The following CRTC1 variants were observed in gnomAD, a reference collection of about 807,000 sequenced individuals.
CRTC1 encodes CREB regulated transcription coactivator 1.
Under a neutral mutation model 66.1 loss-of-function variants are expected in CRTC1, and 18 were observed. The ratio of observed to expected loss-of-function variants is 0.27; its 90% CI spans 0.19 to 0.40. The LOEUF is 0.40. CRTC1 is among the 10% of genes least tolerant of loss of function. The probability of loss-of-function intolerance (pLI) is 1.00; values close to 1 mark genes in which losing one functional copy is unlikely to be tolerated. For synonymous variants in CRTC1, 416 were observed against 398.8 expected (o/e 1.04, Z -0.51); for missense variants, 669 against 887.9 (o/e 0.75, Z 3.13).
intron 1 of CRTC1, among the ~76,000 whole-genome samples, chr19:18,707,648 G>T (rs1357872056): frequency 6.6e-6 from 1 of 152,094 alleles, no homozygotes; most frequent in East Asian, 1.9e-4. Context: ...ATGGTATTTT[G>T]GTAGGGATTG....
At chr19:18,748,374 ATTTTTT>A (rs777077338) in intron 4 of CRTC1, among the ~76,000 whole-genome samples, 12 of 75,400 alleles carry the variant, frequency 1.6e-4, no homozygotes, top group South Asian at 1.3e-3. Flanking sequence ...CTTCCAGCTG[ATTTTTT>A]TTTTTTTTTT....
intron 13 of CRTC1, among the ~76,000 whole-genome samples, chr19:18,776,250 G>T (rs984401109): frequency 6.6e-5 from 10 of 152,340 alleles, no homozygotes; most frequent in African/African-American, 2.4e-4. Flanking sequence ...AACAGGTCAG[G>T]GCCGTGATGC....
chr19:18,718,158 C>T (rs1275028211), intron 1 of CRTC1, among the ~76,000 whole-genome samples: 1 of 152,018 alleles, frequency 6.6e-6, no homozygotes, highest in Non-Finnish European at 1.5e-5. Context: ...CCCTCCCCTC[C>T]TCTCCTCCCC....
chr19:18,751,367 C>CA (rs907391047), intron 5 of CRTC1, among the ~76,000 whole-genome samples: 22 of 151,942 alleles, frequency 1.4e-4, no homozygotes, highest in Non-Finnish European at 2.8e-4. Context: ...ACCAAAAATA[C>CA]AAAAAAATTA....
At chr19:18,747,193 A>G (rs1287897968) in intron 4 of CRTC1, 79 bp downstream of exon 4, 10 of 1,073,520 alleles carry the variant, frequency 9.3e-6, no homozygotes, top group Non-Finnish European at 1.4e-5. Context: ...ACATGTGGAA[A>G]AGCAGGACAC....
intron 8 of CRTC1, among the ~76,000 whole-genome samples, chr19:18,761,099 T>C (rs1010036162): frequency 1.3e-5 from 2 of 150,060 alleles, no homozygotes; most frequent in Non-Finnish European, 2.9e-5. Flanking sequence ...TCTGCACATG[T>C]AGTCCTTCCT....
chr19:18,759,925 G>T (rs1168018959), intron 7 of CRTC1, 83 bp from the exon 8 acceptor site: 3 of 987,164 alleles, frequency 3.0e-6, no homozygotes, highest in South Asian at 1.8e-5. Flanking sequence ...TGCACCCGCT[G>T]ATTTTCTCCC....
Position 18,749,798 on chromosome 19 carries a change from C to T in CRTC1, c.461C>T (p.Ala154Val), listed in dbSNP as rs1343760704. The change falls in exon 5 of 14, where the codon GCC (alanine) becomes GTC (valine). Residue 154 changes from alanine (A) to valine (V), a missense_variant. Ala to Val is a moderately conservative substitution (Grantham distance 64, BLOSUM62 0). Around this residue, in one of 8 missense-constraint regions of CRTC1, gnomAD observed 214 missense variants for 323.4 expected, o/e 0.66. Transcript: ENST00000321949. ...TSWRRTNSDS[A>V]LHQSTMTPTQ... is the part of the protein sequence containing the mutation. ...CCCACCAGGACCAATTCTGACTCCG[C>T]CCTGCACCAGAGCACAATGACGCCC... 1 of 1,613,968 alleles carries T rather than the reference C, an allele frequency of 6.2e-7. No individual in the cohort carries two copies. Among genetic ancestry groups the T allele is most frequent in the Non-Finnish European group, 8.5e-7 (1 of 1,179,976 alleles).
chr19:18,731,433 G>A (rs1019071307), intron 1 of CRTC1, among the ~76,000 whole-genome samples: 2 of 152,178 alleles, frequency 1.3e-5, no homozygotes, highest in African/African-American at 4.8e-5. Flanking sequence ...TCTCATGGGG[G>A]CACCAGTCAT....
At position 18,768,395 on chromosome 19, in the gene CRTC1, G is replaced by A. The variant is rs1197569499; in HGVS notation, c.1012-90G>A. On this transcript the variant is annotated intron_variant, in intron 9 of 13. Transcript: ENST00000321949. The surrounding 1 kb of genome is among the most constrained non-coding windows in gnomAD (Gnocchi z 5.6). ...TGTGATCACAGGGCCCTTCCACCTCGCCTGCTGAGCATGCCAGGCTATGGG... is the reference window on the plus strand; with the variant it reads ...TGTGATCACAGGGCCCTTCCACCTCACCTGCTGAGCATGCCAGGCTATGGG... The A allele has an allele frequency of 4.1e-5, 45 of 1,110,406 alleles. No individual in the cohort carries two copies. Among genetic ancestry groups the A allele is most frequent in the South Asian group, 2.3e-4 (16 of 69,972 alleles). 68.8% of individuals were successfully genotyped at this position (1,110,406 alleles called of 1,614,324 possible).
chr19:18,700,708 C>T (rs775535345), intron 1 of CRTC1, among the ~76,000 whole-genome samples: 1 of 152,172 alleles, frequency 6.6e-6, no homozygotes, highest in Non-Finnish European at 1.5e-5. Context: ...AGCAGGGCGC[C>T]TGGGACTGGC....
intron 1 of CRTC1, among the ~76,000 whole-genome samples, chr19:18,734,057 G>A (rs1016286371): frequency 7.9e-5 from 12 of 152,020 alleles, no homozygotes; most frequent in Non-Finnish European, 7.4e-5. Context: ...AGTCAAGATC[G>A]CGCCACTCCA....
In CRTC1 at chr19:18,760,284, G is replaced by A; in HGVS notation, c.886+56G>A. 7.3e-7 allele frequency: 1 copy of A among 1,360,858 alleles called. No homozygotes were observed. Among genetic ancestry groups the A allele is most frequent in the South Asian group, 1.2e-5 (1 of 80,532 alleles). 84.3% of individuals were successfully genotyped at this position (1,360,858 alleles called of 1,614,324 possible). ...AGCACTGGCTTGTGGAGACAACACGGGCATCTGCAGGATGACTTGGCAGAG... is the reference window on the plus strand; with the variant it reads ...AGCACTGGCTTGTGGAGACAACACGAGCATCTGCAGGATGACTTGGCAGAG... On this transcript the variant is annotated intron_variant, in intron 8 of 13. Coordinates refer to ENST00000321949, the MANE Select transcript of CRTC1 (RefSeq NM_015321.3). This position sits in a 1 kb window ranked among gnomAD's most constrained non-coding sequence, Gnocchi z 6.2.
chr19:18,760,578 G>T lies in CRTC1; in HGVS notation c.886+350G>T, dbSNP rs1459691587. Among the ~76,000 whole-genome samples, 1 of 151,818 alleles carries T rather than the reference G, an allele frequency of 6.6e-6. No individual in the cohort carries two copies. The highest frequency in any genetic ancestry group is 1.5e-5 in the Non-Finnish European group (1 of 67,872). On this transcript the variant is annotated intron_variant, in intron 8 of 13. Coordinates refer to ENST00000321949, the MANE Select transcript of CRTC1 (RefSeq NM_015321.3). The surrounding 1 kb of genome is among the most constrained non-coding windows in gnomAD (Gnocchi z 6.2). ...TCCTCGACCCCAGCCCCTCATTGGG[G>T]GGCGGGACCAGGCCTGACCTGCTTC...
At chr19:18,721,712 T>TTCAAACTCCTGAGC (rs1293190434) in intron 1 of CRTC1, among the ~76,000 whole-genome samples, 2 of 151,988 alleles carry the variant, frequency 1.3e-5, no homozygotes, top group African/African-American at 4.8e-5. Context: ...CCAGGCTGGT[T>TTCAAACTCCTGAGC]TCAAACTCCT....
At position 18,777,396 on chromosome 19, in the gene CRTC1, C is replaced by T; in HGVS notation, c.*14C>T. 1.3e-6 allele frequency: 2 copies of T among 1,598,626 alleles called. No homozygotes were observed. The highest frequency in any genetic ancestry group is 1.1e-5 in the South Asian group (1 of 91,034). ...GACCGCCTGTGAGCGGGCACGCCGG[C>T]ACCCTGCCGCTCAGCCGTCCCGACG... is the stretch of plus-strand genomic sequence containing the variant. On this transcript the variant is annotated 3_prime_UTR_variant, in exon 14 of 14. Coordinates refer to ENST00000321949, the MANE Select transcript of CRTC1 (RefSeq NM_015321.3). The surrounding 1 kb of genome is among the most constrained non-coding windows in gnomAD (Gnocchi z 5.5).
intron 6 of CRTC1, among the ~76,000 whole-genome samples, chr19:18,756,441 G>A (rs2054491257): frequency 6.6e-6 from 1 of 151,378 alleles, no homozygotes; most frequent in East Asian, 1.9e-4. Context: ...GAGCCCAAGA[G>A]TTTGAGACCA....
At chr19:18,709,866 CCATCAGTCCTG>C (rs1040521671) in intron 1 of CRTC1, among the ~76,000 whole-genome samples, 4 of 152,168 alleles carry the variant, frequency 2.6e-5, no homozygotes, top group Non-Finnish European at 5.9e-5. Context: ...CTGCCCTGGC[CCATCAGTCCTG>C]CCTCCTCCAG....
Position 18,781,071 on chromosome 19 carries a change from C to T in CRTC1, c.*3689C>T, listed in dbSNP as rs917232228. ...TGAAAACAGCAGCTCCCATCACCTT[C>T]ACTGGGTCCCGATGGAGCCGTCTCA... is the stretch of plus-strand genomic sequence containing the variant. On this transcript the variant is annotated 3_prime_UTR_variant, in exon 14 of 14. Coordinates refer to ENST00000321949, the MANE Select transcript of CRTC1 (RefSeq NM_015321.3). The T allele has an allele frequency of 1.1e-4, 24 of 228,070 alleles. No homozygotes were observed. Among genetic ancestry groups the T allele is most frequent in the Non-Finnish European group, 2.1e-4 (24 of 114,930 alleles). 14.1% of individuals were successfully genotyped at this position (228,070 alleles called of 1,614,324 possible). A position where few individuals can be genotyped will look rare whatever the true frequency, so the allele number is the denominator to read the frequency against.
Sources: allele counts gnomAD v4.1 joint callset (sites outside exome capture counted in the v4.1 genomes callset), GRCh38; gene constraint gnomAD v4.1.1; regional missense constraint gnomAD v4.1.1; non-coding constraint Gnocchi (gnomAD v3.1); transcripts MANE v1.5; gene names NCBI Gene and HGNC (gene_info 2026-07-23, HGNC 2026-07-21).